Variants in FZD4 observed in about 807,000 individuals in gnomAD.
FZD4 encodes the protein frizzled-4.
A neutral mutation model predicts 37.3 loss-of-function variants in FZD4; 16 were observed. That is an observed-to-expected ratio of 0.43 (90% confidence interval 0.29 to 0.65). The LOEUF (loss-of-function observed/expected upper bound fraction) is 0.65, where lower values mean the gene tolerates loss of function less well. Among genes scored for constraint, FZD4 ranks in the 30% least tolerant of loss-of-function variants. FZD4 has a pLI of 0.16. For missense variants in FZD4, 599 were observed against 674.3 expected, an observed-to-expected ratio of 0.89 and a Z score of 1.24; for synonymous variants, 246 against 254.8, an observed-to-expected ratio of 0.97 and a Z score of 0.33.
At chr11:86,954,331 C>T (rs1565398325) in intron 1 of FZD4, 1 of 985,176 alleles carries the variant, frequency 1.0e-6, no homozygotes, top group Non-Finnish European at 1.2e-6. Flanking sequence ...TGCGGGACGT[C>T]GTGAGAAGGG....
chr11:86,952,802 C>T (rs1197067848), intron 1 of FZD4: 1 of 188,436 alleles, frequency 5.3e-6, no homozygotes, highest in East Asian at 1.3e-4. Context: ...CAATCTCCTT[C>T]CATTTTAGAA....
intron 1 of FZD4, chr11:86,954,319 G>C (rs1949318254): frequency 4.1e-6 from 4 of 985,208 alleles, no homozygotes; most frequent in Non-Finnish European, 4.8e-6. Context: ...CCTCTAAAAC[G>C]CTGCGGGACG....
chr11:86,955,154 GGCGCCGGCTGCCC>G lies in FZD4; in HGVS notation c.-82_-70del, dbSNP rs1239271896. ...GGCAGACACCCCCAGTTTGCACGGG[GGCGCCGGCTGCCC>G]GCGCTGCTCCCAGCTCCCGGGACGG... On this transcript the variant is annotated 5_prime_UTR_variant, in exon 1 of 2. Coordinates refer to ENST00000531380, the MANE Select transcript of FZD4 (RefSeq NM_012193.4). 6.4e-5 allele frequency: 79 copies of G among 1,231,494 alleles called. No homozygotes were observed. Among genetic ancestry groups the G allele is most frequent in the Non-Finnish European group, 8.4e-5 (79 of 940,858 alleles). The allele number at this position is 1,231,494 out of a possible 1,614,324, so 76.3% of individuals were successfully genotyped here.
Position 86,955,219 on chromosome 11 carries a change from G to A in FZD4, c.-134C>T. The A allele has an allele frequency of 1.5e-6, 1 of 657,440 alleles. No individual in the cohort carries two copies. The highest frequency in any genetic ancestry group is 2.3e-6 in the Non-Finnish European group (1 of 427,614). 40.7% of individuals were successfully genotyped at this position (657,440 alleles called of 1,614,324 possible). ...AGTGTGATGCGGCGACGAGGGGGCA[G>A]CGGCCGGCTCTCCAGCAGCTGCGCG... On this transcript the variant is annotated 5_prime_UTR_variant, in exon 1 of 2. Transcript: ENST00000531380.
intron 1 of FZD4, chr11:86,954,592 G>GT (rs1174376834): frequency 4.1e-6 from 4 of 985,262 alleles, no homozygotes; most frequent in African/African-American, 1.7e-5. Flanking sequence ...AGGGCGGGGT[G>GT]TAAGAGTGGG....
chr11:86,955,076 G>A lies in FZD4; in HGVS notation c.10C>T (p.Arg4Trp), dbSNP rs1441716900. MAWRGAGPSVPGAP... is the reference protein window; with the variant it reads MAWWGAGPSVPGAP... ...CCCGGGACGCTCGGCCCTGCGCCCC[G>A]CCAGGCCATGGCCAGCATCGGGGGT... Residue 4 changes from arginine to tryptophan, a missense_variant, in exon 1 of 2, where the codon CGG (arginine) becomes TGG (tryptophan). Arg to Trp is a moderately radical substitution (Grantham distance 101, BLOSUM62 -3). This residue lies in a region of FZD4 where 357 missense variants were observed against 396.1 expected (regional missense o/e 0.90). Transcript: ENST00000531380. 1.3e-6 allele frequency: 2 copies of A among 1,550,372 alleles called. No individual in the cohort carries two copies. The highest frequency in any genetic ancestry group is 2.3e-5 in the East Asian group (1 of 43,448).
chr11:86,952,701 C>T (rs984827562), intron 1 of FZD4: 15 of 462,634 alleles, frequency 3.2e-5, no homozygotes, highest in African/African-American at 2.9e-4. Flanking sequence ...GAAGAATGTA[C>T]ATAAATAAAT....
intron 1 of FZD4, chr11:86,954,188 T>C: frequency 1.0e-6 from 1 of 971,270 alleles, no homozygotes; most frequent in Non-Finnish European, 1.2e-6. Context: ...TGCAAAAAAA[T>C]TTCTTCCAAT....
intron 1 of FZD4, chr11:86,954,250 C>T (rs1949317851): frequency 4.1e-6 from 4 of 984,980 alleles, no homozygotes; most frequent in South Asian, 4.7e-5. Flanking sequence ...ATTAAACGTG[C>T]CTTCAACTGT....
rs7940477 is a variant in FZD4 at position 86,951,072 on chromosome 11, T to C, written c.*70A>G. 820 of 1,530,376 alleles carry C rather than the reference T, an allele frequency of 5.4e-4. 3 individuals carry two copies. The African/African-American group carries it at 9.6e-3, about 18-fold the overall frequency. The allele number at this position is 1,530,376 out of a possible 1,614,324, so 94.8% of individuals were successfully genotyped here. A position where few individuals can be genotyped will look rare whatever the true frequency, so the allele number is the denominator to read the frequency against. The stretch of plus-strand genomic sequence containing the variant: ...ACTGAGATTCACTGCATAAAACTTT[T>C]AGTAGAATTTCCTCCAAAATGCTGG... On this transcript the variant is annotated 3_prime_UTR_variant, in exon 2 of 2. Transcript: ENST00000531380.
In FZD4 at chr11:86,955,221, G is replaced by T; in HGVS notation, c.-136C>A. The T allele has an allele frequency of 3.1e-6, 2 of 645,734 alleles. No individual in the cohort carries two copies. The highest frequency in any genetic ancestry group is 5.4e-5 in the South Asian group (2 of 36,936). The allele number at this position is 645,734 out of a possible 1,614,324, so 40.0% of individuals were successfully genotyped here. A position where few individuals can be genotyped will look rare whatever the true frequency, so the allele number is the denominator to read the frequency against. Reference sequence around the variant, plus strand: ...TGTGATGCGGCGACGAGGGGGCAGCGGCCGGCTCTCCAGCAGCTGCGCGCG... The same window carrying T: ...TGTGATGCGGCGACGAGGGGGCAGCTGCCGGCTCTCCAGCAGCTGCGCGCG... On this transcript the variant is annotated 5_prime_UTR_variant, in exon 1 of 2. Transcript: ENST00000531380.
At position 86,948,367 on chromosome 11, in the gene FZD4, G is replaced by A. The variant is rs2135035269; in HGVS notation, c.*2775C>T. 6.6e-6 allele frequency: 1 copy of A among 152,030 alleles called. No homozygotes were observed. Among genetic ancestry groups the A allele is most frequent in the East Asian group, 1.9e-4 (1 of 5,178 alleles). The allele number at this position is 152,030 out of a possible 1,614,324, so 9.4% of individuals were successfully genotyped here. A position where few individuals can be genotyped will look rare whatever the true frequency, so the allele number is the denominator to read the frequency against. ...TTATCTATTTCAGGGCTTTACTACA[G>A]TCGGCACTCAATAAATAAAATAACT... is the stretch of plus-strand genomic sequence containing the variant. On this transcript the variant is annotated 3_prime_UTR_variant, in exon 2 of 2. Coordinates refer to ENST00000531380, the MANE Select transcript of FZD4 (RefSeq NM_012193.4).
In FZD4 at chr11:86,952,197, T is replaced by C. The variant is rs1949299874; in HGVS notation, c.559A>G (p.Asn187Asp). 4 of 1,613,534 alleles carry C rather than the reference T, an allele frequency of 2.5e-6. No homozygotes were observed. The highest frequency in any genetic ancestry group is 3.4e-6 in the Non-Finnish European group (4 of 1,179,560). The change falls in exon 2 of 2, where the codon AAT (asparagine) becomes GAT (aspartate). Residue 187 changes from asparagine to aspartate, a missense_variant. By Grantham distance (23) the Asn-to-Asp change is conservative. Transcript: ENST00000531380. ...PGEECHSVGTNSDQYIWVKRS... is the reference protein window; with the variant it reads ...PGEECHSVGTDSDQYIWVKRS... ...TTCACCCAGATGTACTGATCAGAAT[T>C]GGTTCCCACAGAGTGACACTCTTCC...
Position 86,946,760 on chromosome 11 carries a change from T to A in FZD4, c.*4382A>T, listed in dbSNP as rs1949246145. ...AACCCAGGTCATTTGCCAGACATAATACAAACCCAGAAGGGAACTCTAAAC... is the reference window on the plus strand; with the variant it reads ...AACCCAGGTCATTTGCCAGACATAAAACAAACCCAGAAGGGAACTCTAAAC... On this transcript the variant is annotated 3_prime_UTR_variant, in exon 2 of 2. Coordinates refer to ENST00000531380, the MANE Select transcript of FZD4 (RefSeq NM_012193.4). 1 of 152,506 alleles carries A rather than the reference T, an allele frequency of 6.6e-6. No individual in the cohort carries two copies. Among genetic ancestry groups the A allele is most frequent in the Non-Finnish European group, 1.5e-5 (1 of 68,034 alleles). 9.4% of individuals were successfully genotyped at this position (152,506 alleles called of 1,614,324 possible).
At chr11:86,954,330 T>C (rs1949318361) in intron 1 of FZD4, 2 of 985,192 alleles carry the variant, frequency 2.0e-6, no homozygotes, top group Non-Finnish European at 1.2e-6. Flanking sequence ...CTGCGGGACG[T>C]CGTGAGAAGG....
Position 86,951,256 on chromosome 11 carries a change from A to T in FZD4, c.1500T>A (p.Thr500=), listed in dbSNP as rs761378697. 6 of 1,614,070 alleles carry T rather than the reference A, an allele frequency of 3.7e-6. No individual in the cohort carries two copies. Among genetic ancestry groups the T allele is most frequent in the Non-Finnish European group, 5.1e-6 (6 of 1,180,028 alleles). ...TGGAACACTTCTGCCACGTGTGAAG[A>T]GTTTTGGCAGACCAAATCCACATGC... ...TSGMWIWSAK[T]LHTWQKCSNR... The change falls in exon 2 of 2, where the codon ACT becomes ACA. Residue 500 remains threonine (T), a synonymous_variant. Coordinates refer to ENST00000531380, the MANE Select transcript of FZD4 (RefSeq NM_012193.4).
intron 1 of FZD4, chr11:86,952,873 G>T: frequency 6.4e-6 from 1 of 156,756 alleles, no homozygotes; most frequent in Non-Finnish European, 1.4e-5. Flanking sequence ...TTTTATCCCC[G>T]TTTCTTTATC....
In FZD4 at chr11:86,950,177, G is replaced by C. The variant is rs988157771; in HGVS notation, c.*965C>G. On this transcript the variant is annotated 3_prime_UTR_variant, in exon 2 of 2. Transcript: ENST00000531380. Reference sequence around the variant, plus strand: ...AGTTGCCAAGAAACTTAACATTTCAGCTCTTCCAGACTGGCGTCTGCATAG... The same window carrying C: ...AGTTGCCAAGAAACTTAACATTTCACCTCTTCCAGACTGGCGTCTGCATAG... 1 of 152,584 alleles carries C rather than the reference G, an allele frequency of 6.6e-6. No homozygotes were observed. The highest frequency in any genetic ancestry group is 2.4e-5 in the African/African-American group (1 of 41,440). 9.5% of individuals were successfully genotyped at this position (152,584 alleles called of 1,614,324 possible). A position where few individuals can be genotyped will look rare whatever the true frequency, so the allele number is the denominator to read the frequency against.
chr11:86,955,226 G>A lies in FZD4; in HGVS notation c.-141C>T. 1.6e-6 allele frequency: 1 copy of A among 616,838 alleles called. No individual in the cohort carries two copies. Among genetic ancestry groups the A allele is most frequent in the Non-Finnish European group, 2.6e-6 (1 of 390,948 alleles). The allele number at this position is 616,838 out of a possible 1,614,324, so 38.2% of individuals were successfully genotyped here. A position where few individuals can be genotyped will look rare whatever the true frequency, so the allele number is the denominator to read the frequency against. ...TGCGGCGACGAGGGGGCAGCGGCCG[G>A]CTCTCCAGCAGCTGCGCGCGACTGT... On this transcript the variant is annotated 5_prime_UTR_variant, in exon 1 of 2. Coordinates refer to ENST00000531380, the MANE Select transcript of FZD4 (RefSeq NM_012193.4).
Sources: allele counts gnomAD v4.1 joint callset, GRCh38; gene constraint gnomAD v4.1.1; regional missense constraint gnomAD v4.1.1; transcripts MANE v1.5; gene names NCBI Gene and HGNC (gene_info 2026-07-23, HGNC 2026-07-21).